The following ZNF532 variants were observed in gnomAD, a reference collection of about 807,000 sequenced individuals.
The protein encoded by ZNF532 is zinc finger protein 532.
A neutral mutation model predicts 89.3 loss-of-function variants in ZNF532; 22 were observed. The observed-to-expected ratio is 0.25, with a 90% CI of 0.18 to 0.35. ZNF532 has a LOEUF of 0.35. Ranked by LOEUF, ZNF532 falls within the 10% of genes least tolerant of loss-of-function variation. The pLI is 1.00. For synonymous variants in ZNF532, 606 were observed against 649.6 expected (o/e 0.93, Z 1.02); for missense variants, 1,132 against 1,643.4 (o/e 0.69, Z 5.38).
chr18:58,884,940 A>G (rs1030046984), intron 2 of ZNF532, among the ~76,000 whole-genome samples: 4 of 150,736 alleles, frequency 2.7e-5, no homozygotes, highest in East Asian at 1.9e-4. Context: ...CAGTATTTCT[A>G]TAAACTCACT....
At chr18:58,931,390 C>G (rs902760872) in intron 3 of ZNF532, among the ~76,000 whole-genome samples, 2 of 152,158 alleles carry the variant, frequency 1.3e-5, no homozygotes, top group East Asian at 3.8e-4. Context: ...ATCCCCCAAA[C>G]CCAGAGGATG....
intron 2 of ZNF532, among the ~76,000 whole-genome samples, chr18:58,865,848 C>T (rs951025420): frequency 6.6e-6 from 1 of 152,100 alleles, no homozygotes; most frequent in Admixed American, 6.6e-5. Flanking sequence ...GAATGGTAGG[C>T]GTCAGGGCCT....
In ZNF532 at chr18:58,918,414, C is replaced by G; in HGVS notation, c.127C>G (p.Gln43Glu). 6.2e-7 allele frequency: 1 copy of G among 1,614,154 alleles called. No individual in the cohort carries two copies. The change falls in exon 3 of 10, where the codon CAG becomes GAG. Residue 43 changes from glutamine to glutamate, a missense_variant. By Grantham distance (29) the Gln-to-Glu change is conservative. Transcript: ENST00000591808. Reference protein sequence around the residue: ...GHDDHESHMKQNAHGEDDSHA... With the variant: ...GHDDHESHMKENAHGEDDSHA... Reference sequence around the variant, plus strand: ...CGATGACCATGAAAGCCACATGAAGCAGAATGCTCACGGAGAGGATGACTC... The same window carrying G: ...CGATGACCATGAAAGCCACATGAAGGAGAATGCTCACGGAGAGGATGACTC...
intron 2 of ZNF532, among the ~76,000 whole-genome samples, chr18:58,875,294 A>G (rs190605971): frequency 1.3e-5 from 2 of 152,298 alleles, no homozygotes; most frequent in Admixed American, 1.3e-4. Context: ...TATGGGCATG[A>G]GCCACTGTGC....
intron 2 of ZNF532, among the ~76,000 whole-genome samples, chr18:58,906,124 CG>C (rs1327465368): frequency 6.6e-6 from 1 of 152,136 alleles, no homozygotes; most frequent in Admixed American, 6.6e-5. Flanking sequence ...TTTCTTTCTC[CG>C]TGGTAAAGTT....
intron 5 of ZNF532, among the ~76,000 whole-genome samples, chr18:58,942,097 A>G (rs1018852182): frequency 4.3e-5 from 6 of 138,662 alleles, no homozygotes; most frequent in African/African-American, 1.6e-4. Context: ...ATCTCAGCTC[A>G]CTGCAAGCTC....
At chr18:58,969,615 A>G (rs2066263334) in intron 7 of ZNF532, among the ~76,000 whole-genome samples, 1 of 152,178 alleles carries the variant, frequency 6.6e-6, no homozygotes, top group Non-Finnish European at 1.5e-5. Context: ...AGGCAGTTGG[A>G]AAGTTCCTAT....
intron 4 of ZNF532, among the ~76,000 whole-genome samples, chr18:58,938,675 G>A (rs1417642853): frequency 6.6e-6 from 1 of 152,184 alleles, no homozygotes; most frequent in African/African-American, 2.4e-5. Flanking sequence ...CCAGGAAACA[G>A]TGGGCCGAGG....
intron 7 of ZNF532, among the ~76,000 whole-genome samples, chr18:58,963,603 ATGTGTGTGTG>A (rs60644289): frequency 0.066 from 9,527 of 143,820 alleles, 544 homozygotes; most frequent in East Asian, 0.34. Flanking sequence ...AAAGAAAAAA[ATGTGTGTGTG>A]TGTGTGTGTG....
At chr18:58,888,697 T>TTATATATATA (rs71336305) in intron 2 of ZNF532, among the ~76,000 whole-genome samples, 24 of 45,300 alleles carry the variant, frequency 5.3e-4, no homozygotes, top group African/African-American at 1.7e-3. Context: ...AAAAAAAAAA[T>TTATATATATA]TATATATATA....
At chr18:58,911,387 A>G (rs1018305082) in intron 2 of ZNF532, among the ~76,000 whole-genome samples, 2 of 152,196 alleles carry the variant, frequency 1.3e-5, no homozygotes, top group Non-Finnish European at 2.9e-5. Context: ...CTCAGAAAGA[A>G]AAGGGGGGAT....
chr18:58,905,358 T>C (rs2145756206), intron 2 of ZNF532, among the ~76,000 whole-genome samples: 2 of 152,054 alleles, frequency 1.3e-5, no homozygotes, highest in East Asian at 3.9e-4. Context: ...ATCCCGGCTC[T>C]CCCCTGCATT....
chr18:58,903,310 C>G lies in ZNF532; in HGVS notation c.-17-14961C>G, dbSNP rs190799935. ...GAAAGCTGGGCCTGCGAAAAACACA[C>G]GCGGAACCGCAGCAGCTCATGGTTG... On this transcript the variant is annotated intron_variant, in intron 2 of 9. Coordinates refer to ENST00000591808, the MANE Select transcript of ZNF532 (RefSeq NM_001375912.1). Among the ~76,000 whole-genome samples the G allele has an allele frequency of 2.5e-3, 377 of 152,304 alleles. 4 individuals are homozygous for G. Among genetic ancestry groups the G allele is most frequent in the African/African-American group, 8.5e-3 (355 of 41,546 alleles).
intron 7 of ZNF532, among the ~76,000 whole-genome samples, chr18:58,957,423 A>G (rs1477881336): frequency 6.7e-6 from 1 of 148,192 alleles, no homozygotes; most frequent in Non-Finnish European, 1.5e-5. Flanking sequence ...ATATATATAT[A>G]TATATATATA....
chr18:58,891,837 TC>T (rs1350926714), intron 2 of ZNF532, among the ~76,000 whole-genome samples: 2 of 152,178 alleles, frequency 1.3e-5, no homozygotes, highest in African/African-American at 4.8e-5. Context: ...CTGCCCTCCC[TC>T]CTAAAGCTGG....
At chr18:58,889,039 A>C (rs2058703919) in intron 2 of ZNF532, among the ~76,000 whole-genome samples, 1 of 147,798 alleles carries the variant, frequency 6.8e-6, no homozygotes, top group Admixed American at 7.1e-5. Context: ...AAAATCCAAA[A>C]TTTGAAAGTT....
At chr18:58,898,724 T>C (rs1402693965) in intron 2 of ZNF532, among the ~76,000 whole-genome samples, 1 of 152,166 alleles carries the variant, frequency 6.6e-6, no homozygotes, top group African/African-American at 2.4e-5. Flanking sequence ...TTCTCTGATT[T>C]CCAGGCACTT....
intron 4 of ZNF532, among the ~76,000 whole-genome samples, chr18:58,937,011 G>GGGTC (rs1421998154): frequency 2.6e-5 from 4 of 152,022 alleles, no homozygotes; most frequent in Admixed American, 6.6e-5. Context: ...AAATACTGAT[G>GGGTC]GGTCATCCCT....
In ZNF532 at chr18:58,945,838, C is replaced by G. The variant is rs527365258; in HGVS notation, c.2706-2229C>G. On this transcript the variant is annotated intron_variant, in intron 5 of 9. Coordinates refer to ENST00000591808, the MANE Select transcript of ZNF532 (RefSeq NM_001375912.1). The stretch of plus-strand genomic sequence containing the variant: ...TGCCTCCTGGGTTCAAGCGATTCCC[C>G]TGCCTCAGCCTGCCAAGTAGCTGGG... 1.3e-3 allele frequency among the ~76,000 whole-genome samples: 198 copies of G among 151,856 alleles called. 1 individual carries two copies. The highest frequency in any genetic ancestry group is 4.4e-3 in the African/African-American group (184 of 41,406).
Sources: allele counts gnomAD v4.1 joint callset (sites outside exome capture counted in the v4.1 genomes callset), GRCh38; gene constraint gnomAD v4.1.1; transcripts MANE v1.5; gene names NCBI Gene and HGNC (gene_info 2026-07-23, HGNC 2026-07-21).